COL25A1: variants seen among roughly 807,000 people sequenced by gnomAD.
The protein encoded by COL25A1 is collagen alpha-1(XXV) chain.
Under a neutral mutation model 128.4 loss-of-function variants are expected in COL25A1, and 103 were observed. The ratio of observed to expected loss-of-function variants is 0.80; its 90% CI spans 0.68 to 0.94. The LOEUF (loss-of-function observed/expected upper bound fraction) is 0.94, where lower values mean the gene tolerates loss of function less well. Among genes scored for constraint, COL25A1 ranks in the 40% least tolerant of loss-of-function variants. The pLI is 0.00. For synonymous variants in COL25A1, 279 were observed against 277.2 expected (o/e 1.01, Z -0.06); for missense variants, 745 against 840.0 (o/e 0.89, Z 1.40).
chr4:109,056,933 C>A (rs1761499664), intron 3 of COL25A1, among the ~76,000 whole-genome samples: 1 of 152,200 alleles, frequency 6.6e-6, no homozygotes, highest in African/African-American at 2.4e-5. Context: ...GATAATAGCT[C>A]ACTGTAACCT....
intron 8 of COL25A1, among the ~76,000 whole-genome samples, chr4:108,954,109 G>A (rs1749781188): frequency 6.6e-6 from 1 of 152,110 alleles, no homozygotes; most frequent in Non-Finnish European, 1.5e-5. Flanking sequence ...ACTTCCCATA[G>A]TGATTAATTC....
chr4:108,944,218 C>A (rs1748467349), intron 8 of COL25A1, among the ~76,000 whole-genome samples: 1 of 152,248 alleles, frequency 6.6e-6, no homozygotes, highest in African/African-American at 2.4e-5. Flanking sequence ...TTGAGGTGAC[C>A]TATGTCCTCT....
At chr4:108,892,404 C>A (rs948986860) in intron 16 of COL25A1, among the ~76,000 whole-genome samples, 2 of 152,140 alleles carry the variant, frequency 1.3e-5, no homozygotes, top group Admixed American at 6.5e-5. Context: ...TAATAAGGCA[C>A]ATGTGGATAT....
rs552205066 is a variant in COL25A1 at position 109,192,621 on chromosome 4, G to A, written c.367+107962C>T. ...TATAATCCCAGCACTTTGGGAGGTC[G>A]AGGCGGCAGATCACGAGGTCAGGAG... On this transcript the variant is annotated intron_variant, in intron 3 of 37. Transcript: ENST00000399132. Among the ~76,000 whole-genome samples, 165 of 152,288 alleles carry A rather than the reference G, an allele frequency of 1.1e-3. 1 individual carries two copies. The highest frequency in any genetic ancestry group is 3.8e-3 in the African/African-American group (160 of 41,566).
chr4:108,989,632 T>C (rs375036683), intron 6 of COL25A1, among the ~76,000 whole-genome samples: 1 of 152,270 alleles, frequency 6.6e-6, no homozygotes. Context: ...AGAGACAAAA[T>C]ACAAACCTTA....
intron 35 of COL25A1, among the ~76,000 whole-genome samples, chr4:108,822,728 A>G (rs1180777487): frequency 6.6e-6 from 1 of 152,216 alleles, no homozygotes. Flanking sequence ...ACCCAGCTAC[A>G]TATCATCTTT....
chr4:109,091,746 A>C (rs1476560080), intron 3 of COL25A1, among the ~76,000 whole-genome samples: 1 of 151,748 alleles, frequency 6.6e-6, no homozygotes, highest in Non-Finnish European at 1.5e-5. Context: ...AAAAAAAAAA[A>C]GCCCTGTACA....
chr4:108,979,404 G>A (rs1752741694), intron 6 of COL25A1, among the ~76,000 whole-genome samples: 1 of 152,136 alleles, frequency 6.6e-6, no homozygotes, highest in African/African-American at 2.4e-5. Context: ...AAATACAGCT[G>A]GAAAAGAGAG....
rs1483850824 is a variant in COL25A1 at position 108,813,011 on chromosome 4, A to G, written c.*916T>C. On this transcript the variant is annotated 3_prime_UTR_variant, in exon 38 of 38. Transcript: ENST00000399132. The stretch of plus-strand genomic sequence containing the variant: ...ACACTTGCTGAAATTCAGTTTATTT[A>G]TACATATTTTTAAAGTCTGTGGTTC... 6.6e-6 allele frequency: 1 copy of G among 152,168 alleles called. No individual in the cohort carries two copies. Among genetic ancestry groups the G allele is most frequent in the African/African-American group, 2.4e-5 (1 of 41,424 alleles). The allele number at this position is 152,168 out of a possible 1,614,324, so 9.4% of individuals were successfully genotyped here.
At chr4:109,261,082 T>C (rs1178420968) in intron 3 of COL25A1, among the ~76,000 whole-genome samples, 1 of 152,238 alleles carries the variant, frequency 6.6e-6, no homozygotes, top group African/African-American at 2.4e-5. Context: ...GCAGCCTTAC[T>C]TCAAATTATT....
At chr4:109,283,780 A>C (rs1723610596) in intron 3 of COL25A1, among the ~76,000 whole-genome samples, 1 of 152,164 alleles carries the variant, frequency 6.6e-6, no homozygotes, top group Admixed American at 6.5e-5. Flanking sequence ...CTAGAAACTC[A>C]TCAAGCCCTA....
chr4:109,128,650 T>C (rs1021624299), intron 3 of COL25A1, among the ~76,000 whole-genome samples: 1 of 152,146 alleles, frequency 6.6e-6, no homozygotes, highest in Non-Finnish European at 1.5e-5. Context: ...ACACCTTCCT[T>C]TTCTGTGTAT....
At chr4:108,992,477 A>G (rs765816779) in intron 6 of COL25A1, among the ~76,000 whole-genome samples, 20 of 152,196 alleles carry the variant, frequency 1.3e-4, no homozygotes, top group Non-Finnish European at 2.5e-4. Flanking sequence ...AAGAATATTG[A>G]TATCTAAGGA....
intron 3 of COL25A1, among the ~76,000 whole-genome samples, chr4:109,134,042 C>G (rs1426144800): frequency 1.3e-5 from 2 of 151,858 alleles, no homozygotes; most frequent in African/African-American, 4.8e-5. Flanking sequence ...TGATGAAAAA[C>G]AGCCAGATAA....
chr4:108,976,876 C>T (rs963440344), intron 6 of COL25A1, among the ~76,000 whole-genome samples: 1 of 152,122 alleles, frequency 6.6e-6, no homozygotes, highest in African/African-American at 2.4e-5. Context: ...TGTCTTTTAC[C>T]ATTGACAAGA....
intron 3 of COL25A1, among the ~76,000 whole-genome samples, chr4:109,085,005 C>T (rs1409485857): frequency 1.3e-5 from 2 of 152,096 alleles, no homozygotes; most frequent in Non-Finnish European, 2.9e-5. Flanking sequence ...TCTCTTTTTT[C>T]AGTCTCCATG....
intron 3 of COL25A1, among the ~76,000 whole-genome samples, chr4:109,216,270 A>AAAGGAAGGAAGGAAGGAAGGAAGG (rs150574564): frequency 6.1e-5 from 9 of 148,104 alleles, no homozygotes. Context: ...GGAAGGAAAA[A>AAAGGAAGGAAGGAAGGAAGGAAGG]AAGGAAGGAA....
Position 108,822,340 on chromosome 4 carries a change from G to T in COL25A1, c.1845+1834C>A, listed in dbSNP as rs552287265. On this transcript the variant is annotated intron_variant, in intron 35 of 37. Transcript: ENST00000399132. ...ATTACAGGCGTGAGCCACCACGCCC[G>T]GCGGTAATATGTTTTTGAGTGATTA... 1.2e-4 allele frequency among the ~76,000 whole-genome samples: 18 copies of T among 152,160 alleles called. No individual in the cohort carries two copies. In the South Asian group the frequency reaches 3.7e-3, roughly 32 times the overall value.
chr4:108,873,522 CTAGTAG>C (rs58240378), intron 19 of COL25A1, among the ~76,000 whole-genome samples: 2,603 of 147,148 alleles, frequency 0.018, 29 homozygotes, highest in African/African-American at 0.033. Flanking sequence ...TGTTAGCTGT[CTAGTAG>C]TAGTAGTAGT....
Sources: allele counts gnomAD v4.1 joint callset (sites outside exome capture counted in the v4.1 genomes callset), GRCh38; gene constraint gnomAD v4.1.1; transcripts MANE v1.5; gene names NCBI Gene and HGNC (gene_info 2026-07-23, HGNC 2026-07-21).